Variants in VCF1 observed in about 807,000 individuals in gnomAD.
VCF1 encodes the protein protein VCF1.
chr17:73,220,991 C>G, the VCF1 span, among the ~76,000 whole-genome samples: 2 of 148,720 alleles, frequency 1.3e-5, no homozygotes, highest in Admixed American at 1.3e-4. Flanking sequence ...CTCCGCCTCC[C>G]GGGTCCAAGC....
chr17:73,227,109 C>G, the VCF1 span: 1 of 1,215,494 alleles, frequency 8.2e-7, no homozygotes, highest in Admixed American at 2.4e-5. Flanking sequence ...ACAGCAGATA[C>G]TAGGTTATTT....
the VCF1 span, among the ~76,000 whole-genome samples, chr17:73,221,863 G>A: frequency 2.6e-5 from 4 of 151,860 alleles, no homozygotes; most frequent in Admixed American, 6.6e-5. Context: ...GTGAAACCCC[G>A]TCTCTACTAA....
At chr17:73,221,735 T>A in the VCF1 span, among the ~76,000 whole-genome samples, 24 of 151,972 alleles carry the variant, frequency 1.6e-4, no homozygotes, top group Middle Eastern at 6.8e-3. Flanking sequence ...ACAAAAAAAA[T>A]TTTAAAACTA....
the VCF1 span, chr17:73,207,358 G>A: frequency 9.3e-7 from 1 of 1,072,114 alleles, no homozygotes; most frequent in Non-Finnish European, 1.4e-6. Context: ...AGAACTGAAT[G>A]ACAAAATGCA....
At chr17:73,229,331 G>A in the VCF1 span, 1 of 985,308 alleles carries the variant, frequency 1.0e-6, no homozygotes, top group African/African-American at 1.7e-5. Flanking sequence ...CAAGATTACA[G>A]CTTCATGCTC....
At chr17:73,215,466 G>T in the VCF1 span, among the ~76,000 whole-genome samples, 1 of 151,934 alleles carries the variant, frequency 6.6e-6, no homozygotes, top group South Asian at 2.1e-4. Flanking sequence ...TAGAGACGAG[G>T]TCTCACTATG....
At chr17:73,229,353 TTCAA>T in the VCF1 span, 4 of 985,456 alleles carry the variant, frequency 4.1e-6, no homozygotes, top group East Asian at 2.3e-4. Context: ...TCCCTATCAG[TTCAA>T]TCAATCAGAT....
the VCF1 span, among the ~76,000 whole-genome samples, chr17:73,218,659 C>CAGATCACCTGGGCTCGGGAGTTCG: frequency 1.4e-4 from 22 of 152,124 alleles, no homozygotes; most frequent in East Asian, 3.1e-3. Flanking sequence ...CTGAGGTGGG[C>CAGATCACCTGGGCTCGGGAGTTCG]AGATCACCTG....
chr17:73,232,154 G>A, the VCF1 span: 1 of 1,608,896 alleles, frequency 6.2e-7, no homozygotes, highest in East Asian at 2.2e-5. Flanking sequence ...CGCGAAGAGA[G>A]GGAACAGAGG....
At chr17:73,213,618 G>A in the VCF1 span, among the ~76,000 whole-genome samples, 1 of 152,110 alleles carries the variant, frequency 6.6e-6, no homozygotes. Flanking sequence ...TTTCTCAAGT[G>A]TCTATCAAAA....
chr17:73,208,560 A>C, the VCF1 span: 1 of 1,344,898 alleles, frequency 7.4e-7, no homozygotes. Flanking sequence ...AGTTTCACTG[A>C]TGGAATGTGG....
the VCF1 span, among the ~76,000 whole-genome samples, chr17:73,220,112 A>G: frequency 0.51 from 78,053 of 152,060 alleles, 20,136 homozygotes; most frequent in East Asian, 0.6. Flanking sequence ...TTAATACTAC[A>G]ACTCTAAGAC....
At chr17:73,221,999 T>G in the VCF1 span, among the ~76,000 whole-genome samples, 2 of 134,504 alleles carry the variant, frequency 1.5e-5, no homozygotes, top group African/African-American at 5.6e-5. Flanking sequence ...GATGCGCCAC[T>G]GCATTCCAGC....
At chr17:73,212,583 C>T in the VCF1 span, 1 of 968,004 alleles carries the variant, frequency 1.0e-6, no homozygotes, top group Non-Finnish European at 1.5e-6. Context: ...ACAAAGGCGT[C>T]TCCTAACCTA....
At chr17:73,212,360 G>A in the VCF1 span, among the ~76,000 whole-genome samples, 9 of 152,246 alleles carry the variant, frequency 5.9e-5, no homozygotes, top group South Asian at 1.2e-3. Context: ...TGATGGTGCC[G>A]AGGCCATTGG....
the VCF1 span, among the ~76,000 whole-genome samples, chr17:73,216,994 C>T: frequency 2.0e-5 from 3 of 152,284 alleles, no homozygotes; most frequent in East Asian, 5.8e-4. Flanking sequence ...AAAAAGAGAG[C>T]TATGTGTATA....
the VCF1 span, among the ~76,000 whole-genome samples, chr17:73,220,449 T>C: frequency 6.6e-6 from 1 of 152,136 alleles, no homozygotes; most frequent in South Asian, 2.1e-4. Context: ...CTTCTTTTTT[T>C]TGTTTTTTAT....
chr17:73,208,914 A>C, the VCF1 span: 1 of 290,410 alleles, frequency 3.4e-6, no homozygotes, highest in Non-Finnish European at 6.7e-6. Context: ...ATACAAATAT[A>C]TAACAAAGAG....
the VCF1 span, among the ~76,000 whole-genome samples, chr17:73,215,158 G>A: frequency 1.3e-5 from 2 of 152,184 alleles, no homozygotes; most frequent in African/African-American, 2.4e-5. Flanking sequence ...AGATCTGTGT[G>A]AAAAAGGATT....
Sources: allele counts gnomAD v4.1 joint callset (sites outside exome capture counted in the v4.1 genomes callset), GRCh38; gene constraint gnomAD v4.1.1; transcripts MANE v1.5; gene names NCBI Gene and HGNC (gene_info 2026-07-23, HGNC 2026-07-21).